The following BRWD1 variants were observed in gnomAD, a reference collection of about 807,000 sequenced individuals.
The protein encoded by BRWD1 is bromodomain and WD repeat-containing protein 1.
In BRWD1, 82 loss-of-function variants were observed where a neutral mutation model predicts 251.2. The ratio of observed to expected loss-of-function variants is 0.33; its 90% confidence interval spans 0.27 to 0.39. BRWD1 has a LOEUF of 0.39. BRWD1 is among the 10% of genes least tolerant of loss of function. The pLI is 1.00. For missense variants in BRWD1, 2,233 were observed against 2,711.6 expected, an observed-to-expected ratio of 0.82 and a Z score of 3.92; for synonymous variants, 918 against 902.8, an observed-to-expected ratio of 1.02 and a Z score of -0.30.
At chr21:39,238,411 T>A in intron 22 of BRWD1, 68 bp downstream of exon 22, 1 of 1,317,352 alleles carries the variant, frequency 7.6e-7, no homozygotes, top group Non-Finnish European at 1.1e-6. Context: ...TTGAATAAAA[T>A]TCAAGTATGA....
At chr21:39,283,255 A>T (rs775009584) in intron 8 of BRWD1, among the ~76,000 whole-genome samples, 6 of 152,170 alleles carry the variant, frequency 3.9e-5, no homozygotes, top group Non-Finnish European at 8.8e-5. Flanking sequence ...AAACAAAATC[A>T]TTGGAATTTC....
chr21:39,293,116 T>C (rs1015389850), intron 8 of BRWD1, among the ~76,000 whole-genome samples: 1 of 152,174 alleles, frequency 6.6e-6, no homozygotes, highest in Admixed American at 6.5e-5. Context: ...GACAGATACA[T>C]AGGGGTTTAT....
At chr21:39,295,661 GA>G in intron 7 of BRWD1, 81 bp downstream of exon 7, 1 of 1,172,114 alleles carries the variant, frequency 8.5e-7, no homozygotes, top group Non-Finnish European at 1.2e-6. Flanking sequence ...ATGGGAAACA[GA>G]AACTAAGATT....
upstream of BRWD1, chr21:39,314,245 T>C (rs1338937011): frequency 6.6e-6 from 3 of 455,596 alleles, no homozygotes; most frequent in Non-Finnish European, 1.3e-5. Context: ...CCTCGTATGC[T>C]GGCGTTGCCG....
intron 4 of BRWD1, among the ~76,000 whole-genome samples, chr21:39,302,435 TAAC>T (rs2036149359): frequency 6.6e-6 from 1 of 152,136 alleles, no homozygotes; most frequent in African/African-American, 2.4e-5. Context: ...AAAACAACAG[TAAC>T]AACATCTTGA....
rs144544648 is a variant in BRWD1, at chr21:39,199,687, T to C, written c.4754-25A>G. ...CCTAGAAATAAGGTTAACAATAAGA[T>C]TAAAAAGATTTTCCTTATTTCAACA... On this transcript the variant is annotated intron_variant, in intron 39 of 40. Transcript: ENST00000342449. 6.6e-6 allele frequency: 10 copies of C among 1,526,418 alleles called. No individual in the cohort carries two copies. In the East Asian group the frequency reaches 2.0e-4, roughly 31 times the overall value. The allele number at this position is 1,526,418 out of a possible 1,614,324, so 94.6% of individuals were successfully genotyped here. A position where few individuals can be genotyped will look rare whatever the true frequency, so the allele number is the denominator to read the frequency against.
In BRWD1 at chr21:39,187,281, A is replaced by T; in HGVS notation, c.*8978T>A. On this transcript the variant is annotated 3_prime_UTR_variant, in exon 41 of 41. Coordinates refer to ENST00000342449, the MANE Select transcript of BRWD1 (RefSeq NM_033656.4). ...TTATCTTTATTTTATTTGCAGCAACAGTAGCACATCTGCGGGGAACTTTCT... is the reference window on the plus strand; with the variant it reads ...TTATCTTTATTTTATTTGCAGCAACTGTAGCACATCTGCGGGGAACTTTCT... 6.2e-7 allele frequency: 1 copy of T among 1,614,048 alleles called. No individual in the cohort carries two copies. Among genetic ancestry groups the T allele is most frequent in the East Asian group, 2.2e-5 (1 of 44,874 alleles).
chr21:39,275,862 G>A (rs1407349109), intron 12 of BRWD1, among the ~76,000 whole-genome samples: 2 of 151,924 alleles, frequency 1.3e-5, no homozygotes, highest in African/African-American at 2.4e-5. Context: ...GAGGAACCCC[G>A]TCTCTACTAA....
chr21:39,264,765 A>G, intron 16 of BRWD1, 80 bp from the exon 17 acceptor site: 1 of 1,496,812 alleles, frequency 6.7e-7, no homozygotes, highest in Non-Finnish European at 9.1e-7. Flanking sequence ...GTTAATTAAA[A>G]CTAGAAAAAC....
At chr21:39,317,233 A>G (rs1292126387), upstream of BRWD1, 3 of 152,224 alleles carry the variant, frequency 2.0e-5, no homozygotes, top group Non-Finnish European at 4.4e-5. Flanking sequence ...TATTCCTCAC[A>G]CAATTCAATC....
In BRWD1 at chr21:39,194,411, T is replaced by TC; in HGVS notation, c.*1847dup. On this transcript the variant is annotated 3_prime_UTR_variant, in exon 41 of 41. Transcript: ENST00000342449. ...TTTAAAATTAGCAAAGTAAAAGGCA[T>TC]CCCATTAGTCTTTTCAGTCTTAGTC... 8.5e-7 allele frequency: 1 copy of TC among 1,178,986 alleles called. No homozygotes were observed. The highest frequency in any genetic ancestry group is 1.0e-6 in the Non-Finnish European group (1 of 953,712). The allele number at this position is 1,178,986 out of a possible 1,614,324, so 73.0% of individuals were successfully genotyped here. A position where few individuals can be genotyped will look rare whatever the true frequency, so the allele number is the denominator to read the frequency against.
At chr21:39,227,936 T>C (rs2033447854) in intron 27 of BRWD1, among the ~76,000 whole-genome samples, 1 of 152,062 alleles carries the variant, frequency 6.6e-6, no homozygotes, top group Admixed American at 6.6e-5. Context: ...GGAGTGAAAA[T>C]AATCTTTTCC....
chr21:39,228,428 C>T, intron 27 of BRWD1, 72 bp downstream of exon 27: 1 of 1,024,358 alleles, frequency 9.8e-7, no homozygotes, highest in South Asian at 1.4e-5. Context: ...AAGAGTCCCA[C>T]AGCCAAAAAG....
chr21:39,202,612 A>G, intron 37 of BRWD1, 67 bp from the exon 38 acceptor site: 1 of 1,075,694 alleles, frequency 9.3e-7, no homozygotes. Context: ...TTCACAGAGA[A>G]TGACTAAATA....
At chr21:39,197,443 A>T (rs370960334) in intron 40 of BRWD1, 28 bp from the exon 41 acceptor site, 7 of 1,492,104 alleles carry the variant, frequency 4.7e-6, no homozygotes, top group Non-Finnish European at 6.3e-6. Context: ...GATTTCTATT[A>T]ATCTTTTGTA....
chr21:39,256,145 CA>C (rs1310443673), intron 18 of BRWD1, among the ~76,000 whole-genome samples: 1 of 152,142 alleles, frequency 6.6e-6, no homozygotes, highest in Non-Finnish European at 1.5e-5. Flanking sequence ...TGACTAAGAT[CA>C]AAATGTAGAA....
rs755451609 is a variant in BRWD1 at position 39,194,726 on chromosome 21, A to G, written c.*1533T>C. On this transcript the variant is annotated 3_prime_UTR_variant, in exon 41 of 41. Transcript: ENST00000342449. ...ATGCTTCGCCTTGTCTGCCACTTCA[A>G]AGATACACAGGAGAAAAGGTTTTGT... 15 of 1,535,342 alleles carry G rather than the reference A, an allele frequency of 9.8e-6. No homozygotes were observed. The South Asian group carries it at 1.1e-4, about 11-fold the overall frequency.
intron 18 of BRWD1, 94 bp from the exon 19 acceptor site, chr21:39,255,922 C>A: frequency 9.0e-7 from 1 of 1,108,254 alleles, no homozygotes; most frequent in Non-Finnish European, 1.3e-6. Flanking sequence ...AGATGCGCAC[C>A]AAAAATAAAG....
Position 39,261,845 on chromosome 21 carries a change from T to C in BRWD1, c.1885+2615A>G, listed in dbSNP as rs143447307. Among the ~76,000 whole-genome samples the C allele has an allele frequency of 3.9e-3, 593 of 152,298 alleles. 2 individuals carry two copies. Among genetic ancestry groups the C allele is most frequent in the African/African-American group, 0.012 (497 of 41,574 alleles). Reference sequence around the variant, plus strand: ...GAGGAAACAAATAGGAATACTCTTATGTTCAAACCCATACCATATGAACAT... The same window carrying C: ...GAGGAAACAAATAGGAATACTCTTACGTTCAAACCCATACCATATGAACAT... On this transcript the variant is annotated intron_variant, in intron 17 of 40. Coordinates refer to ENST00000342449, the MANE Select transcript of BRWD1 (RefSeq NM_033656.4).
Sources: allele counts gnomAD v4.1 joint callset (sites outside exome capture counted in the v4.1 genomes callset), GRCh38; gene constraint gnomAD v4.1.1; transcripts MANE v1.5; gene names NCBI Gene and HGNC (gene_info 2026-07-23, HGNC 2026-07-21).